The following VPS53 variants were observed in gnomAD, a reference collection of about 807,000 sequenced individuals.
The protein encoded by VPS53 is VPS53 subunit of GARP complex.
A neutral mutation model predicts 107.0 loss-of-function variants in VPS53; 70 were observed. That is an observed-to-expected ratio of 0.65 (90% CI 0.54 to 0.80). The LOEUF (loss-of-function observed/expected upper bound fraction) is 0.80. Among genes scored for constraint, VPS53 ranks in the 30% least tolerant of loss-of-function variants. The probability of loss-of-function intolerance (pLI) is 0.00; values close to 1 mark genes in which losing one functional copy is unlikely to be tolerated. For missense variants in VPS53, 917 were observed against 1,049.4 expected, an observed-to-expected ratio of 0.87 and a Z score of 1.74; for synonymous variants, 409 against 393.3, an observed-to-expected ratio of 1.04 and a Z score of -0.47.
At chr17:712,846 C>G (rs774256031) in intron 1 of VPS53, among the ~76,000 whole-genome samples, 3 of 152,162 alleles carry the variant, frequency 2.0e-5, no homozygotes, top group Non-Finnish European at 2.9e-5. Context: ...GTCAACCAAA[C>G]AGTAACTGAC....
intron 13 of VPS53, among the ~76,000 whole-genome samples, chr17:565,912 A>C (rs985274307): frequency 1.3e-5 from 2 of 152,212 alleles, no homozygotes; most frequent in African/African-American, 4.8e-5. Context: ...CATATATTCA[A>C]GAAATAACCG....
intron 13 of VPS53, among the ~76,000 whole-genome samples, chr17:573,550 C>T (rs915900396): frequency 6.6e-6 from 1 of 152,154 alleles, no homozygotes; most frequent in Non-Finnish European, 1.5e-5. Flanking sequence ...GGCCACCCAC[C>T]CACATAGGAG....
At chr17:557,855 CTTTTTTTTTT>C (rs773408955) in intron 15 of VPS53, among the ~76,000 whole-genome samples, 1 of 125,602 alleles carries the variant, frequency 8.0e-6, no homozygotes, top group African/African-American at 2.9e-5. Flanking sequence ...TAAGGATTAT[CTTTTTTTTTT>C]TTTTTTTTTT....
At chr17:652,228 C>T (rs1044613949) in intron 7 of VPS53, among the ~76,000 whole-genome samples, 1 of 152,066 alleles carries the variant, frequency 6.6e-6, no homozygotes, top group East Asian at 1.9e-4. Flanking sequence ...CTCCTGACCT[C>T]GGGTGATCCA....
intron 4 of VPS53, among the ~76,000 whole-genome samples, chr17:671,330 G>C (rs141470134): frequency 1.2e-4 from 17 of 143,622 alleles, no homozygotes; most frequent in African/African-American, 4.0e-4. Flanking sequence ...AGAAAAGAGA[G>C]ACAGGAAAGA....
At chr17:714,454 C>T (rs1365411685) in intron 1 of VPS53, 169 bp downstream of exon 1, 2 of 624,080 alleles carry the variant, frequency 3.2e-6, no homozygotes, top group Non-Finnish European at 5.6e-6. Flanking sequence ...TCTTTCCTTT[C>T]CTTCTGATTC....
intron 13 of VPS53, among the ~76,000 whole-genome samples, chr17:583,691 A>T (rs547114278): frequency 1.7e-4 from 25 of 145,854 alleles, no homozygotes; most frequent in Non-Finnish European, 2.3e-4. Context: ...TTCCCAGAGA[A>T]CTCCCTTCTG....
intron 1 of VPS53, 189 bp downstream of exon 1, chr17:714,434 G>C (rs1352784783): frequency 1.7e-6 from 1 of 602,358 alleles, no homozygotes; most frequent in African/African-American, 1.9e-5. Flanking sequence ...TCAAAGCCTA[G>C]AAAGGGTTCT....
At chr17:606,168 G>A (rs976363710) in intron 11 of VPS53, among the ~76,000 whole-genome samples, 2 of 152,090 alleles carry the variant, frequency 1.3e-5, no homozygotes, top group Admixed American at 1.3e-4. Flanking sequence ...AGGAGGCTTT[G>A]CTGAGAGAGT....
intron 11 of VPS53, among the ~76,000 whole-genome samples, chr17:610,808 C>T (rs1296607769): frequency 1.3e-5 from 2 of 150,764 alleles, no homozygotes; most frequent in African/African-American, 2.4e-5. Flanking sequence ...CATGGTGCTG[C>T]GCTCCTGTGG....
chr17:702,535 A>T (rs1371342463), intron 2 of VPS53, among the ~76,000 whole-genome samples: 2 of 151,692 alleles, frequency 1.3e-5, no homozygotes. Context: ...GCGTGGTGGC[A>T]GGTGCCTGTA....
chr17:559,850 C>A (rs1453561658), intron 15 of VPS53, among the ~76,000 whole-genome samples: 1 of 152,244 alleles, frequency 6.6e-6, no homozygotes, highest in African/African-American at 2.4e-5. Flanking sequence ...TCTGGGTCTT[C>A]CTTCTGCTCC....
At chr17:533,103 G>A (rs1159458091) in intron 18 of VPS53, 192 bp from the exon 19 acceptor site, 4 of 980,698 alleles carry the variant, frequency 4.1e-6, no homozygotes, top group African/African-American at 3.3e-5. Context: ...ATGAGGCCCT[G>A]GCAGGCCCGG....
chr17:577,113 C>T (rs1914691781), intron 13 of VPS53, among the ~76,000 whole-genome samples: 1 of 151,634 alleles, frequency 6.6e-6, no homozygotes, highest in Non-Finnish European at 1.5e-5. Context: ...TAATGTGTTC[C>T]CAAAGAACTT....
intron 20 of VPS53, 130 bp downstream of exon 20, chr17:521,471 G>T: frequency 9.0e-7 from 1 of 1,106,404 alleles, no homozygotes. Context: ...CCAAAATCCA[G>T]TCCAGCCCAA....
chr17:625,672 C>G (rs941120070), intron 10 of VPS53, among the ~76,000 whole-genome samples: 2 of 152,192 alleles, frequency 1.3e-5, no homozygotes, highest in African/African-American at 4.8e-5. Context: ...TGGGAACTCT[C>G]TGTGTCTTCT....
At chr17:689,051 G>C (rs986486187) in intron 4 of VPS53, among the ~76,000 whole-genome samples, 1 of 152,220 alleles carries the variant, frequency 6.6e-6, no homozygotes, top group African/African-American at 2.4e-5. Flanking sequence ...GTTTTAGTAG[G>C]AAGAAGCAAG....
intron 13 of VPS53, among the ~76,000 whole-genome samples, chr17:567,650 A>G (rs1391343140): frequency 6.6e-6 from 1 of 151,892 alleles, no homozygotes; most frequent in Non-Finnish European, 1.5e-5. Flanking sequence ...ACAGGCGTCC[A>G]TCACCATGCA....
At chr17:647,991 G>T (rs1183847483) in intron 7 of VPS53, among the ~76,000 whole-genome samples, 1 of 152,214 alleles carries the variant, frequency 6.6e-6, no homozygotes, top group African/African-American at 2.4e-5. Flanking sequence ...GAATGCTCAC[G>T]TCAGGCGGCA....
Sources: gnomAD v4.1 joint callset for allele counts (sites outside exome capture counted in the v4.1 genomes callset) on GRCh38, gnomAD v4.1.1 for gene constraint, MANE v1.5 for transcripts, NCBI Gene and HGNC (gene_info 2026-07-23, HGNC 2026-07-21) for gene names.